The following NAV2 variants were observed in gnomAD, a reference collection of about 807,000 sequenced individuals.
The protein encoded by NAV2 is neuron navigator 2.
NAV2 carries 54 observed loss-of-function variants against 223.2 expected under a neutral mutation model. The ratio of observed to expected loss-of-function variants is 0.24; its 90% CI spans 0.19 to 0.30. NAV2 has a LOEUF of 0.30. Among genes scored for constraint, NAV2 ranks in the 10% least tolerant of loss-of-function variants. The probability of loss-of-function intolerance (pLI) is 1.00; values close to 1 mark genes in which losing one functional copy is unlikely to be tolerated. For synonymous variants in NAV2, 1,279 were observed against 1,239.3 expected (o/e 1.03, Z -0.67); for missense variants, 2,806 against 3,147.5 (o/e 0.89, Z 2.60).
intron 4 of NAV2, 52 bp from the exon 5 acceptor site, chr11:19,879,817 G>T: frequency 6.2e-7 from 1 of 1,610,370 alleles, no homozygotes; most frequent in South Asian, 1.1e-5. Context: ...ACAGCCCATT[G>T]AACAGGAAGA....
At chr11:20,027,674 T>G (rs117357197) in intron 11 of NAV2, 79 of 154,642 alleles carry the variant, frequency 5.1e-4, no homozygotes, top group South Asian at 1.2e-3. Context: ...GAGAACCTCA[T>G]CTCTGCTCAC....
intron 7 of NAV2, among the ~76,000 whole-genome samples, chr11:19,936,892 C>T (rs2045954480): frequency 2.6e-5 from 4 of 152,130 alleles, no homozygotes; most frequent in Admixed American, 6.5e-5. Context: ...AATCCCAGCA[C>T]TTTGGAAGGT....
At chr11:19,970,698 G>T (rs1381713941) in intron 10 of NAV2, among the ~76,000 whole-genome samples, 2 of 152,084 alleles carry the variant, frequency 1.3e-5, no homozygotes, top group African/African-American at 4.8e-5. Flanking sequence ...AAGGGAGCCA[G>T]GCTTCAATTT....
intron 1 of NAV2, among the ~76,000 whole-genome samples, chr11:19,654,377 A>G (rs569105031): frequency 1.3e-3 from 202 of 152,330 alleles, no homozygotes; most frequent in African/African-American, 4.7e-3. Flanking sequence ...TCTTCACAGA[A>G]TTGGAAAAAA....
chr11:19,881,663 G>T (rs1487029003), intron 5 of NAV2, among the ~76,000 whole-genome samples: 1 of 152,182 alleles, frequency 6.6e-6, no homozygotes, highest in Non-Finnish European at 1.5e-5. Context: ...GCACTTGGGA[G>T]TCAAGAATGA....
At chr11:19,779,705 G>A (rs2056589055) in intron 1 of NAV2, among the ~76,000 whole-genome samples, 1 of 152,184 alleles carries the variant, frequency 6.6e-6, no homozygotes, top group Admixed American at 6.5e-5. Flanking sequence ...GCATAGAGTT[G>A]GAAGCATGTT....
At chr11:19,780,752 C>T (rs994278808) in intron 1 of NAV2, among the ~76,000 whole-genome samples, 2 of 152,216 alleles carry the variant, frequency 1.3e-5, no homozygotes, top group Non-Finnish European at 2.9e-5. Context: ...TGAATGGTTG[C>T]TCATATGATG....
intron 1 of NAV2, among the ~76,000 whole-genome samples, chr11:19,640,515 C>T (rs2047634590): frequency 6.6e-6 from 1 of 152,008 alleles, no homozygotes; most frequent in Non-Finnish European, 1.5e-5. Flanking sequence ...CAGATTTACT[C>T]ACTTGAAGAT....
At position 19,697,553 on chromosome 11, in the gene NAV2, G is replaced by C. The variant is rs1022323398; in HGVS notation, c.76-134931G>C. 3.3e-5 allele frequency among the ~76,000 whole-genome samples: 5 copies of C among 151,768 alleles called. No individual in the cohort carries two copies. The East Asian group carries it at 9.6e-4, about 29-fold the overall frequency. On this transcript the variant is annotated intron_variant, in intron 1 of 37. Transcript: ENST00000360655. ...TTTTATTATAGAGGAAAGATTAAAG[G>C]GCATGGCATGTCTGGAGATGGCTGG...
At chr11:19,418,535 C>T (rs1443273530) in intron 1 of NAV2, among the ~76,000 whole-genome samples, 1 of 152,140 alleles carries the variant, frequency 6.6e-6, no homozygotes, top group Admixed American at 6.5e-5. Flanking sequence ...AAAGGCATTC[C>T]AGACAGAGCG....
intron 1 of NAV2, among the ~76,000 whole-genome samples, chr11:19,646,033 A>T (rs1180831568): frequency 6.6e-6 from 1 of 152,202 alleles, no homozygotes; most frequent in African/African-American, 2.4e-5. Context: ...ATTGGCTGCC[A>T]CGGGCAGTGA....
intron 11 of NAV2, among the ~76,000 whole-genome samples, chr11:20,010,673 T>A (rs1164065172): frequency 6.6e-6 from 1 of 152,258 alleles, no homozygotes; most frequent in Non-Finnish European, 1.5e-5. Flanking sequence ...TTACTGCTAA[T>A]TGCAGTTCTA....
chr11:19,725,949 G>C (rs2051198132), intron 1 of NAV2, among the ~76,000 whole-genome samples: 1 of 152,212 alleles, frequency 6.6e-6, no homozygotes, highest in African/African-American at 2.4e-5. Flanking sequence ...CCATGGGCGA[G>C]GCCAGGCTGG....
chr11:19,978,746 C>T (rs2050038938), intron 10 of NAV2: 1 of 149,454 alleles, frequency 6.7e-6, no homozygotes, highest in Admixed American at 6.7e-5. Flanking sequence ...TGTCCCCTCT[C>T]TCCTCACACA....
intron 10 of NAV2, among the ~76,000 whole-genome samples, chr11:19,963,499 A>G (rs2048512611): frequency 6.6e-6 from 1 of 152,202 alleles, no homozygotes; most frequent in African/African-American, 2.4e-5. Flanking sequence ...GAAGCCCTGG[A>G]TACTCCCAGT....
intron 1 of NAV2, among the ~76,000 whole-genome samples, chr11:19,580,730 G>T (rs902264750): frequency 1.3e-5 from 2 of 152,150 alleles, no homozygotes; most frequent in East Asian, 1.9e-4. Flanking sequence ...CTATTATGGG[G>T]AGTACCGCAT....
At chr11:19,581,524 ACCCCACAACAGG>A (rs1424193697) in intron 1 of NAV2, among the ~76,000 whole-genome samples, 1 of 150,198 alleles carries the variant, frequency 6.7e-6, no homozygotes, top group Non-Finnish European at 1.5e-5. Context: ...CCTCTCCCCC[ACCCCACAACAGG>A]CCCCAGTGTG....
intron 1 of NAV2, among the ~76,000 whole-genome samples, chr11:19,428,419 A>G (rs897170936): frequency 3.3e-5 from 5 of 152,184 alleles, no homozygotes; most frequent in Non-Finnish European, 1.5e-5. Context: ...ACTGAGAATT[A>G]GCTCCTTGAC....
At chr11:19,910,554 C>T (rs112309234) in intron 6 of NAV2, among the ~76,000 whole-genome samples, 2 of 152,122 alleles carry the variant, frequency 1.3e-5, no homozygotes, top group Admixed American at 6.5e-5. Flanking sequence ...GACATATCAG[C>T]ATGTTAAGAA....
Sources: allele counts gnomAD v4.1 joint callset (sites outside exome capture counted in the v4.1 genomes callset), GRCh38; gene constraint gnomAD v4.1.1; transcripts MANE v1.5; gene names NCBI Gene and HGNC (gene_info 2026-07-23, HGNC 2026-07-21).